Variants in SLC2A14 observed in about 807,000 individuals in gnomAD.
SLC2A14 encodes solute carrier family 2 member 14, also known as solute carrier family 2, facilitated glucose transporter member 14.
SLC2A14 carries 13 observed loss-of-function variants against 43.0 expected under a neutral mutation model. The ratio of observed to expected loss-of-function variants is 0.30; its 90% CI spans 0.20 to 0.48. The LOEUF is 0.48. Ranked by LOEUF, SLC2A14 falls within the 20% of genes least tolerant of loss-of-function variation. The probability of loss-of-function intolerance (pLI) is 0.99; values close to 1 mark genes in which losing one functional copy is unlikely to be tolerated. For synonymous variants in SLC2A14, 190 were observed against 233.8 expected, an observed-to-expected ratio of 0.81 and a Z score of 1.71; for missense variants, 428 against 620.4, an observed-to-expected ratio of 0.69 and a Z score of 3.29.
chr12:7,827,440 G>C, intron 7 of SLC2A14, 55 bp downstream of exon 7: 1 of 1,577,464 alleles, frequency 6.3e-7, no homozygotes, highest in Non-Finnish European at 8.6e-7. Flanking sequence ...CACCATGCCT[G>C]GCATTTTAAG....
At chr12:7,844,297 G>C (rs1470786361) in intron 2 of SLC2A14, among the ~76,000 whole-genome samples, 2 of 152,084 alleles carry the variant, frequency 1.3e-5, no homozygotes, top group Non-Finnish European at 2.9e-5. Context: ...GTGTCTACGA[G>C]TACTATGTGG....
intron 2 of SLC2A14, among the ~76,000 whole-genome samples, chr12:7,866,115 C>G (rs1457362555): frequency 6.6e-6 from 1 of 151,496 alleles, no homozygotes; most frequent in Non-Finnish European, 1.5e-5. Context: ...ATCCCAGCTA[C>G]CCAGGAGGCT....
chr12:7,835,286 C>T (rs184021719), intron 2 of SLC2A14, among the ~76,000 whole-genome samples: 20 of 152,208 alleles, frequency 1.3e-4, no homozygotes, highest in Admixed American at 7.2e-4. Context: ...ACTCAGGAGA[C>T]TGAGACAGGA....
intron 2 of SLC2A14, among the ~76,000 whole-genome samples, chr12:7,846,635 A>ATTT (rs34817500): frequency 6.9e-6 from 1 of 145,354 alleles, no homozygotes; most frequent in Non-Finnish European, 1.5e-5. Flanking sequence ...AATATTCATA[A>ATTT]TTTTTTTTTT....
chr12:7,849,922 GAA>G (rs1866785458), intron 2 of SLC2A14, among the ~76,000 whole-genome samples: 2 of 149,308 alleles, frequency 1.3e-5, no homozygotes, highest in African/African-American at 2.5e-5. Context: ...AAAAAAAAAG[GAA>G]AAAGTCTACA....
intron 4 of SLC2A14, among the ~76,000 whole-genome samples, chr12:7,830,652 C>A (rs1254846898): frequency 6.6e-6 from 1 of 151,622 alleles, no homozygotes; most frequent in African/African-American, 2.4e-5. Context: ...AGAGGGAGGG[C>A]AGAGGGGGAA....
chr12:7,872,842 C>G lies in SLC2A14; in HGVS notation c.-93G>C. The G allele has an allele frequency of 1.0e-6, 1 of 985,526 alleles. No homozygotes were observed. Among genetic ancestry groups the G allele is most frequent in the Non-Finnish European group, 1.2e-6 (1 of 830,028 alleles). 61.0% of individuals were successfully genotyped at this position (985,526 alleles called of 1,614,324 possible). Reference sequence around the variant, plus strand: ...CCGCGACTGCGGTTGGGCCCCGCGGCTTCGCTCAACCACGCACCTCCCGGG... The same window carrying G: ...CCGCGACTGCGGTTGGGCCCCGCGGGTTCGCTCAACCACGCACCTCCCGGG... On this transcript the variant is annotated 5_prime_UTR_variant, in exon 1 of 11. Coordinates refer to ENST00000431042, the MANE Select transcript of SLC2A14 (RefSeq NM_001286234.2).
intron 10 of SLC2A14, 136 bp from the exon 11 acceptor site, chr12:7,814,670 T>A: frequency 3.0e-6 from 3 of 986,738 alleles, no homozygotes; most frequent in Non-Finnish European, 4.4e-6. Context: ...AAAGGTTTCT[T>A]CAGAGATTTA....
At chr12:7,878,998 A>AC (rs1269518907) in intron 1 of SLC2A14, among the ~76,000 whole-genome samples, 5 of 133,970 alleles carry the variant, frequency 3.7e-5, no homozygotes, top group Non-Finnish European at 8.2e-5. Context: ...AAAAAAAAAA[A>AC]AAAAAAACAA....
At chr12:7,884,439 G>A (rs1945654388) in intron 1 of SLC2A14, among the ~76,000 whole-genome samples, 1 of 152,092 alleles carries the variant, frequency 6.6e-6, no homozygotes, top group South Asian at 2.1e-4. Context: ...GTAGTGGGGG[G>A]ATGGGGAAGA....
At chr12:7,878,738 G>A (rs1254257125) in intron 1 of SLC2A14, among the ~76,000 whole-genome samples, 1 of 151,606 alleles carries the variant, frequency 6.6e-6, no homozygotes, top group African/African-American at 2.4e-5. Context: ...CAGCACTTTC[G>A]GAGGCCAAGG....
At chr12:7,852,935 A>G (rs1471743211) in intron 2 of SLC2A14, among the ~76,000 whole-genome samples, 1 of 152,044 alleles carries the variant, frequency 6.6e-6, no homozygotes, top group Non-Finnish European at 1.5e-5. Flanking sequence ...TCAAAGCACA[A>G]CTCATAGAAA....
At chr12:7,849,219 T>C (rs957278850) in intron 2 of SLC2A14, among the ~76,000 whole-genome samples, 1 of 151,948 alleles carries the variant, frequency 6.6e-6, no homozygotes, top group African/African-American at 2.4e-5. Context: ...AAAACATCCA[T>C]ACATTGGGCG....
chr12:7,854,678 C>T (rs1325383304), intron 2 of SLC2A14, among the ~76,000 whole-genome samples: 2 of 151,826 alleles, frequency 1.3e-5, no homozygotes, highest in South Asian at 2.1e-4. Flanking sequence ...CCACCACACC[C>T]GGCTAATTTT....
At chr12:7,866,644 G>A (rs1029577314) in intron 2 of SLC2A14, among the ~76,000 whole-genome samples, 2 of 152,158 alleles carry the variant, frequency 1.3e-5, no homozygotes, top group African/African-American at 4.8e-5. Context: ...GGGATTACAG[G>A]CATAAGCTAC....
At chr12:7,819,381 T>C (rs1863743413) in intron 9 of SLC2A14, 101 bp downstream of exon 9, 2 of 1,537,770 alleles carry the variant, frequency 1.3e-6, no homozygotes, top group Non-Finnish European at 1.8e-6. Flanking sequence ...CTGACTTTAT[T>C]GACAAACTGC....
At chr12:7,831,462 G>A (rs899061624) in intron 4 of SLC2A14, 142 bp downstream of exon 4, 41 of 1,269,088 alleles carry the variant, frequency 3.2e-5, no homozygotes, top group Non-Finnish European at 4.4e-5. Context: ...GTCATATTCG[G>A]GGCCAGTTGG....
rs71038779 is a variant in SLC2A14, at chr12:7,826,861, T to TTTTCTTTCTTTCTTTCTTTC, written c.864+614_864+633dup. 1.0e-3 allele frequency among the ~76,000 whole-genome samples: 63 copies of TTTTCTTTCTTTCTTTCTTTC among 60,316 alleles called. 3 individuals carry two copies. Among genetic ancestry groups the TTTTCTTTCTTTCTTTCTTTC allele is most frequent in the East Asian group, 1.8e-3 (4 of 2,166 alleles). The allele number at this position is 60,316 out of a possible 152,430, so 39.6% of individuals were successfully genotyped here. A position where few individuals can be genotyped will look rare whatever the true frequency, so the allele number is the denominator to read the frequency against. ...TCCTTCCTTCCTTCCTTCCTTTCTT[T>TTTTCTTTCTTTCTTTCTTTC]TTTCTTTCTTTCTTTCTTTCTTTCT... On this transcript the variant is annotated intron_variant, in intron 7 of 10. Transcript: ENST00000431042.
chr12:7,883,924 CTTTCT>C (rs1490117967), intron 1 of SLC2A14, among the ~76,000 whole-genome samples: 14 of 124,110 alleles, frequency 1.1e-4, no homozygotes, highest in Middle Eastern at 4.0e-3. Flanking sequence ...TTCTTTCTTT[CTTTCT>C]TTTTTTTTGT....
Sources: allele counts gnomAD v4.1 joint callset (sites outside exome capture counted in the v4.1 genomes callset), GRCh38; gene constraint gnomAD v4.1.1; transcripts MANE v1.5; gene names NCBI Gene and HGNC (gene_info 2026-07-23, HGNC 2026-07-21).